Variants in NAPB observed in about 807,000 individuals in gnomAD.
NAPB encodes beta-soluble NSF attachment protein.
In NAPB, 26 loss-of-function variants were observed where a neutral mutation model predicts 44.7. The ratio of observed to expected loss-of-function variants is 0.58; its 90% CI spans 0.43 to 0.81. The LOEUF (loss-of-function observed/expected upper bound fraction) is 0.81, where lower values mean the gene tolerates loss of function less well. Among genes scored for constraint, NAPB ranks in the 30% least tolerant of loss-of-function variants. NAPB has a pLI of 0.00. For synonymous variants in NAPB, 120 were observed against 116.8 expected (o/e 1.03, Z -0.18); for missense variants, 315 against 356.4 (o/e 0.88, Z 0.94).
At chr20:23,415,936 A>T (rs183255530) in intron 1 of NAPB, among the ~76,000 whole-genome samples, 1 of 152,352 alleles carries the variant, frequency 6.6e-6, no homozygotes, top group East Asian at 1.9e-4. Context: ...ACTGCCTTCC[A>T]GCCTAGGCAA....
At chr20:23,390,801 G>A (rs896993526) in intron 5 of NAPB, among the ~76,000 whole-genome samples, 1 of 152,196 alleles carries the variant, frequency 6.6e-6, no homozygotes, top group Admixed American at 6.5e-5. Flanking sequence ...TGGATTGTTA[G>A]AGAGCTATGA....
rs182316054 is a variant in NAPB, at chr20:23,417,143, G to A, written c.98+4162C>T. Among the ~76,000 whole-genome samples, 386 of 151,190 alleles carry A rather than the reference G, an allele frequency of 2.6e-3. 2 individuals carry two copies. Among genetic ancestry groups the A allele is most frequent in the African/African-American group, 8.9e-3 (364 of 41,036 alleles). On this transcript the variant is annotated intron_variant, in intron 1 of 10. Transcript: ENST00000377026. ...CGGGGGCCCAGGCTGGAGTGCAGTGGCACAATCTCAGCTCACTACAACCTC... is the reference window on the plus strand; with the variant it reads ...CGGGGGCCCAGGCTGGAGTGCAGTGACACAATCTCAGCTCACTACAACCTC...
chr20:23,419,530 C>T (rs1301429311), intron 1 of NAPB, among the ~76,000 whole-genome samples: 1 of 152,216 alleles, frequency 6.6e-6, no homozygotes, highest in East Asian at 1.9e-4. Flanking sequence ...ACAGACTCTC[C>T]CACAGGGAAG....
chr20:23,377,771 A>C (rs1982636535), intron 10 of NAPB, among the ~76,000 whole-genome samples: 1 of 152,140 alleles, frequency 6.6e-6, no homozygotes, highest in Non-Finnish European at 1.5e-5. Context: ...ATTGTGGCAA[A>C]AGTAACTGGA....
intron 10 of NAPB, chr20:23,379,196 T>C (rs968167799): frequency 2.6e-6 from 1 of 387,440 alleles, no homozygotes; most frequent in Admixed American, 4.2e-5. Flanking sequence ...TATAAGAATA[T>C]AAATGGAATA....
chr20:23,374,771 C>G lies in NAPB; in HGVS notation c.*2605G>C, dbSNP rs1982362164. 1 of 152,328 alleles carries G rather than the reference C, an allele frequency of 6.6e-6. No individual in the cohort carries two copies. Among genetic ancestry groups the G allele is most frequent in the Admixed American group, 6.5e-5 (1 of 15,272 alleles). 9.4% of individuals were successfully genotyped at this position (152,328 alleles called of 1,614,324 possible). ...AAATGCACAAGGGCTGGTGCATATA[C>G]TTTGGTTACAGTGACGCCACCACAC... is the stretch of plus-strand genomic sequence containing the variant. On this transcript the variant is annotated 3_prime_UTR_variant, in exon 11 of 11. Coordinates refer to ENST00000377026, the MANE Select transcript of NAPB (RefSeq NM_022080.3).
At chr20:23,395,285 G>T in intron 3 of NAPB, 100 bp from the exon 4 acceptor site, 1 of 1,283,530 alleles carries the variant, frequency 7.8e-7, no homozygotes, top group East Asian at 2.5e-5. Context: ...CGTTAATGAG[G>T]TATAATTTTG....
At chr20:23,416,776 A>G (rs1371188789) in intron 1 of NAPB, among the ~76,000 whole-genome samples, 1 of 152,202 alleles carries the variant, frequency 6.6e-6, no homozygotes, top group East Asian at 1.9e-4. Flanking sequence ...GAAAACCTAA[A>G]TGCTTCACCT....
chr20:23,410,136 AAAG>A (rs1420889215), intron 1 of NAPB, among the ~76,000 whole-genome samples: 5 of 152,204 alleles, frequency 3.3e-5, no homozygotes, highest in African/African-American at 7.2e-5. Flanking sequence ...CAGTGAAAGG[AAAG>A]AAGGCAAGTG....
chr20:23,383,194 T>C (rs1275883495), intron 7 of NAPB, among the ~76,000 whole-genome samples: 1 of 140,670 alleles, frequency 7.1e-6, no homozygotes, highest in Non-Finnish European at 1.5e-5. Context: ...GCTGAAAAAG[T>C]ACTTGAAGAA....
chr20:23,386,411 AC>A (rs922412767), intron 7 of NAPB, among the ~76,000 whole-genome samples: 3 of 152,234 alleles, frequency 2.0e-5, no homozygotes, highest in African/African-American at 7.2e-5. Context: ...CTTCCAAAAC[AC>A]AGAAGAGGAA....
intron 5 of NAPB, among the ~76,000 whole-genome samples, chr20:23,393,861 T>C (rs1335035416): frequency 6.6e-6 from 1 of 152,184 alleles, no homozygotes; most frequent in Non-Finnish European, 1.5e-5. Flanking sequence ...GTCAGCCACG[T>C]GGACATCTGG....
chr20:23,391,953 T>C (rs1314337526), intron 5 of NAPB, among the ~76,000 whole-genome samples: 1 of 152,186 alleles, frequency 6.6e-6, no homozygotes, highest in Non-Finnish European at 1.5e-5. Context: ...ATTAGTTAAG[T>C]GGCTTCAAGG....
chr20:23,413,478 G>C (rs1190659578), intron 1 of NAPB, among the ~76,000 whole-genome samples: 5 of 151,892 alleles, frequency 3.3e-5, no homozygotes, highest in Non-Finnish European at 7.4e-5. Flanking sequence ...ATGAACCAGA[G>C]GGAAAAACAA....
Position 23,377,150 on chromosome 20 carries a change from G to T in NAPB, c.*226C>A. 1 of 317,462 alleles carries T rather than the reference G, an allele frequency of 3.1e-6. No homozygotes were observed. Among genetic ancestry groups the T allele is most frequent in the Non-Finnish European group, 5.8e-6 (1 of 173,856 alleles). The allele number at this position is 317,462 out of a possible 1,614,324, so 19.7% of individuals were successfully genotyped here. A position where few individuals can be genotyped will look rare whatever the true frequency, so the allele number is the denominator to read the frequency against. ...CTGAAGTACTTCTCAGAAAACGCTG[G>T]GGGTTCTGATAAGCATGAAACAACC... On this transcript the variant is annotated 3_prime_UTR_variant, in exon 11 of 11. Transcript: ENST00000377026.
intron 1 of NAPB, among the ~76,000 whole-genome samples, chr20:23,410,355 ACTCT>A (rs1310694668): frequency 2.6e-5 from 4 of 152,070 alleles, no homozygotes; most frequent in African/African-American, 2.4e-5. Flanking sequence ...AAACTCTGTG[ACTCT>A]CTACACTAAA....
At chr20:23,379,743 A>C in intron 9 of NAPB, 124 bp downstream of exon 9, 1 of 738,324 alleles carries the variant, frequency 1.4e-6, no homozygotes, top group Non-Finnish European at 2.3e-6. Context: ...AAAGCAGGAA[A>C]GTACCAGGGC....
rs1470571989 is a variant in NAPB, at chr20:23,379,940, G to A, written c.667-5C>T. 3.1e-6 allele frequency: 5 copies of A among 1,611,786 alleles called. No individual in the cohort carries two copies. Among genetic ancestry groups the A allele is most frequent in the African/African-American group, 1.3e-5 (1 of 74,830 alleles). On this transcript the variant is annotated splice_polypyrimidine_tract_variant and splice_region_variant and intron_variant, in intron 8 of 10. Transcript: ENST00000377026. ...CTCATATTTCTCAAGAGCAAGCTGA[G>A]AGAGAAAAACCACTCATCAATTTCA...
chr20:23,419,379 C>G (rs1226305941), intron 1 of NAPB, among the ~76,000 whole-genome samples: 1 of 152,158 alleles, frequency 6.6e-6, no homozygotes, highest in Non-Finnish European at 1.5e-5. Context: ...TCTTTAAAAA[C>G]AAAGGCTTTT....
Sources: gnomAD v4.1 joint callset for allele counts (sites outside exome capture counted in the v4.1 genomes callset) on GRCh38, gnomAD v4.1.1 for gene constraint, MANE v1.5 for transcripts, NCBI Gene and HGNC (gene_info 2026-07-23, HGNC 2026-07-21) for gene names.